MCM6: variants seen among roughly 807,000 people sequenced by gnomAD.
The protein encoded by MCM6 is DNA replication licensing factor MCM6.
A neutral mutation model predicts 94.3 loss-of-function variants in MCM6; 46 were observed. The ratio of observed to expected loss-of-function variants is 0.49; its 90% CI spans 0.39 to 0.62. The LOEUF is 0.62. Among genes scored for constraint, MCM6 ranks in the 20% least tolerant of loss-of-function variants. MCM6 has a pLI of 0.00. For missense variants in MCM6, 865 were observed against 1,017.9 expected (o/e 0.85, Z 2.04); for synonymous variants, 335 against 351.9 (o/e 0.95, Z 0.54).
intron 11 of MCM6, among the ~76,000 whole-genome samples, chr2:135,855,384 A>C (rs1381516219): frequency 5.3e-5 from 8 of 152,040 alleles, no homozygotes; most frequent in Admixed American, 5.2e-4. Flanking sequence ...AACCAAACCA[A>C]ACCAGGTGTG....
At position 135,867,975 on chromosome 2, in the gene MCM6, C is replaced by T. The variant is rs529681770; in HGVS notation, c.615+636G>A. Among the ~76,000 whole-genome samples the T allele has an allele frequency of 3.3e-5, 5 of 151,964 alleles. No individual in the cohort carries two copies. In the East Asian group the frequency reaches 5.8e-4, roughly 18 times the overall value. Reference sequence around the variant, plus strand: ...CCAGGAGGCGGAGCTTGCAGTGAGCCGAGATCGCGCCACTGCACTCCAGCC... The same window carrying T: ...CCAGGAGGCGGAGCTTGCAGTGAGCTGAGATCGCGCCACTGCACTCCAGCC... On this transcript the variant is annotated intron_variant, in intron 4 of 16. Coordinates refer to ENST00000264156, the MANE Select transcript of MCM6 (RefSeq NM_005915.6).
chr2:135,853,763 C>T (rs551406224), intron 11 of MCM6, among the ~76,000 whole-genome samples: 9 of 149,742 alleles, frequency 6.0e-5, no homozygotes, highest in Admixed American at 1.3e-4. Flanking sequence ...AAATATGCAA[C>T]TTGCTCTCAA....
chr2:135,875,947 G>A (rs1680287611), intron 1 of MCM6, among the ~76,000 whole-genome samples: 1 of 152,230 alleles, frequency 6.6e-6, no homozygotes, highest in African/African-American at 2.4e-5. Flanking sequence ...CCAGGTTTCC[G>A]CGCCGGTCAC....
rs764820368 is a variant in MCM6, at chr2:135,866,292, T to G, written c.782-15A>C. 4.0e-5 allele frequency: 64 copies of G among 1,612,858 alleles called. No homozygotes were observed. In the Admixed American group the frequency reaches 6.7e-4, roughly 17 times the overall value. On this transcript the variant is annotated splice_polypyrimidine_tract_variant and intron_variant, in intron 5 of 16. Coordinates refer to ENST00000264156, the MANE Select transcript of MCM6 (RefSeq NM_005915.6). The stretch of plus-strand genomic sequence containing the variant: ...TGCACGTGCTCCTGAAACAGAATGA[T>G]AGGTTGTTTCACAACTTAAATATTA...
rs1680064420 is a variant in MCM6 at position 135,865,015 on chromosome 2, T to C, written c.1076A>G (p.His359Arg). ...GTACAAATGGATGGAATTCTTACCA[T>C]GTATAGTAGGGAACAGGCTGGTACA... ...NLCTSLFPTIHGNDEVKRGVL... is the reference protein window; with the variant it reads ...NLCTSLFPTIRGNDEVKRGVL... The change falls in exon 7 of 17, where the codon CAT becomes CGT. Residue 359 changes from histidine to arginine, a missense_variant and splice_region_variant. His to Arg is a conservative substitution (Grantham distance 29, BLOSUM62 0). Around this residue, in one of 3 missense-constraint regions of MCM6, gnomAD observed 404 missense variants for 451.9 expected, o/e 0.89. Transcript: ENST00000264156. The C allele has an allele frequency of 5.6e-6, 8 of 1,416,750 alleles. No homozygotes were observed. Among genetic ancestry groups the C allele is most frequent in the Non-Finnish European group, 7.4e-6 (8 of 1,077,514 alleles). 87.8% of individuals were successfully genotyped at this position (1,416,750 alleles called of 1,614,324 possible).
At position 135,862,110 on chromosome 2, in the gene MCM6, T is replaced by C. The variant is rs4988192; in HGVS notation, c.1220+497A>G. Among the ~76,000 whole-genome samples the C allele has an allele frequency of 9.2e-5, 14 of 152,192 alleles. No individual in the cohort carries two copies. In the East Asian group the frequency reaches 2.1e-3, roughly 23 times the overall value. ...GCTAAGAAAATGATTTTGTAAGCTA[T>C]AGTATACCAACAAAAAAAGACAATT... On this transcript the variant is annotated intron_variant, in intron 8 of 16. Coordinates refer to ENST00000264156, the MANE Select transcript of MCM6 (RefSeq NM_005915.6).
intron 13 of MCM6, among the ~76,000 whole-genome samples, chr2:135,849,687 T>C (rs533475306): frequency 1.3e-5 from 2 of 152,126 alleles, no homozygotes; most frequent in Non-Finnish European, 2.9e-5. Flanking sequence ...ATGAACAGAA[T>C]GGAAAGTCCA....
chr2:135,867,792 A>G (rs567516883), intron 4 of MCM6, among the ~76,000 whole-genome samples: 24 of 152,220 alleles, frequency 1.6e-4, no homozygotes, highest in African/African-American at 5.8e-4. Context: ...TTTGGGAGGC[A>G]GAGGCAGGCG....
Position 135,862,667 on chromosome 2 carries a change from C to T in MCM6, c.1160G>A (p.Arg387Gln). 2 of 1,614,144 alleles carry T rather than the reference C, an allele frequency of 1.2e-6. No homozygotes were observed. The highest frequency in any genetic ancestry group is 1.7e-6 in the Non-Finnish European group (2 of 1,180,032). Residue 387 changes from arginine to glutamine, a missense_variant, in exon 8 of 17, where the codon CGA (arginine) becomes CAA (glutamine). Physicochemically the swap from Arg to Gln is conservative, Grantham distance 43. Around this residue, in one of 3 missense-constraint regions of MCM6, gnomAD observed 153 missense variants for 241.5 expected, o/e 0.63. Transcript: ENST00000264156. ...AACAATGCAAACATTTATGTCCCCTCGAAGAGAGGTCCCTTCTCCTGTTGT... is the reference window on the plus strand; with the variant it reads ...AACAATGCAAACATTTATGTCCCCTTGAAGAGAGGTCCCTTCTCCTGTTGT... ...PKTTGEGTSL[R>Q]GDINVCIVGD...
At position 135,844,657 on chromosome 2, in the gene MCM6, C is replaced by T. The variant is rs749775011; in HGVS notation, c.2237G>A (p.Ser746Asn). ...CTTCAAGTACCAGTTAACAAGCTCG[C>T]TCCTCTTTAATGCTGACTCGTCCTC... ...EEEDESALKR[S>N]ELVNWYLKEI... The change falls in exon 16 of 17, where the codon AGC (serine) becomes AAC (asparagine). Residue 746 changes from serine to asparagine, a missense_variant. Ser to Asn is a conservative substitution (Grantham distance 46). This residue lies in a region of MCM6 where 308 missense variants were observed against 324.5 expected (regional missense o/e 0.95). Transcript: ENST00000264156. The T allele has an allele frequency of 1.3e-6, 2 of 1,587,412 alleles. No homozygotes were observed. Among genetic ancestry groups the T allele is most frequent in the East Asian group, 2.3e-5 (1 of 43,824 alleles).
intron 2 of MCM6, among the ~76,000 whole-genome samples, chr2:135,871,301 C>G (rs1266660865): frequency 6.6e-6 from 1 of 152,186 alleles, no homozygotes; most frequent in African/African-American, 2.4e-5. Context: ...CTTCTACCAC[C>G]AGGCTTGATT....
chr2:135,852,665 A>T, intron 12 of MCM6, 122 bp downstream of exon 12: 2 of 669,942 alleles, frequency 3.0e-6, no homozygotes, highest in Non-Finnish European at 4.3e-6. Flanking sequence ...AAAAAAAAAA[A>T]GTTGTAAAAT....
chr2:135,857,557 T>A (rs1414381043), intron 10 of MCM6, among the ~76,000 whole-genome samples: 2 of 152,202 alleles, frequency 1.3e-5, no homozygotes, highest in Admixed American at 6.5e-5. Context: ...ACTGTCATAC[T>A]TATTTTCATT....
chr2:135,853,819 T>G (rs550533292), intron 11 of MCM6, among the ~76,000 whole-genome samples: 32 of 152,100 alleles, frequency 2.1e-4, no homozygotes, highest in Middle Eastern at 6.9e-3. Context: ...CAGTAAGCAA[T>G]AAAGCAAACA....
chr2:135,856,453 G>C (rs4988215), intron 11 of MCM6, among the ~76,000 whole-genome samples: 49 of 152,254 alleles, frequency 3.2e-4, no homozygotes, highest in African/African-American at 1.2e-3. Flanking sequence ...AAAATAAAAA[G>C]TGTGGTTGGA....
chr2:135,843,817 G>A (rs923165249), intron 16 of MCM6, among the ~76,000 whole-genome samples: 3 of 151,848 alleles, frequency 2.0e-5, no homozygotes, highest in Admixed American at 6.6e-5. Flanking sequence ...AGGATACAGT[G>A]ACTCAGAACC....
chr2:135,860,224 C>T (rs1679964158), intron 8 of MCM6, among the ~76,000 whole-genome samples: 1 of 152,132 alleles, frequency 6.6e-6, no homozygotes, highest in Non-Finnish European at 1.5e-5. Flanking sequence ...GCTCTGCCTA[C>T]TGGGTTCATG....
At chr2:135,854,454 T>C (rs1194284390) in intron 11 of MCM6, among the ~76,000 whole-genome samples, 2 of 130,450 alleles carry the variant, frequency 1.5e-5, no homozygotes, top group Non-Finnish European at 3.1e-5. Context: ...TACTTGAACC[T>C]GAGAGGCGGA....
At chr2:135,874,871 C>G (rs1317241262) in intron 1 of MCM6, among the ~76,000 whole-genome samples, 1 of 152,190 alleles carries the variant, frequency 6.6e-6, no homozygotes, top group African/African-American at 2.4e-5. Flanking sequence ...CTGACACATG[C>G]TACCTCGCAG....
Sources: gnomAD v4.1 joint callset for allele counts (sites outside exome capture counted in the v4.1 genomes callset) on GRCh38, gnomAD v4.1.1 for gene constraint, gnomAD v4.1.1 regional missense constraint, MANE v1.5 for transcripts, NCBI Gene and HGNC (gene_info 2026-07-23, HGNC 2026-07-21) for gene names.